Variants in ZBTB17 observed in about 807,000 individuals in gnomAD.
ZBTB17 encodes the protein zinc finger and BTB domain-containing protein 17.
ZBTB17 carries 24 observed loss-of-function variants against 85.1 expected under a neutral mutation model. That is an observed-to-expected ratio of 0.28 (90% confidence interval 0.20 to 0.40). ZBTB17 has a LOEUF of 0.40. ZBTB17 is among the 10% of genes least tolerant of loss of function. The probability of loss-of-function intolerance (pLI) is 1.00; values close to 1 mark genes in which losing one functional copy is unlikely to be tolerated. For missense variants in ZBTB17, 743 were observed against 1,105.1 expected, an observed-to-expected ratio of 0.67 and a Z score of 4.65; for synonymous variants, 464 against 460.2, an observed-to-expected ratio of 1.01 and a Z score of -0.11.
rs1045497608 is a variant in ZBTB17, at chr1:15,951,250, A to AG, written c.-2-2754dup. ...GAAGAAAACAGGAGAAATGATAAGAAGGGGGGAGGAAGAAGTGAAGATGGG... is the reference window on the plus strand; with the variant it reads ...GAAGAAAACAGGAGAAATGATAAGAAGGGGGGGAGGAAGAAGTGAAGATGGG... On this transcript the variant is annotated intron_variant, in intron 2 of 15. Coordinates refer to ENST00000375743, the MANE Select transcript of ZBTB17 (RefSeq NM_003443.3). This position sits in a 1 kb window ranked among gnomAD's most constrained non-coding sequence, Gnocchi z 4.1. 1.4e-4 allele frequency among the ~76,000 whole-genome samples: 20 copies of AG among 147,438 alleles called. No homozygotes were observed. Among genetic ancestry groups the AG allele is most frequent in the African/African-American group, 4.9e-4 (20 of 40,486 alleles).
chr1:15,943,149 G>A lies in ZBTB17; in HGVS notation c.1743C>T (p.Asp581=). The change falls in exon 13 of 16, where the codon GAC becomes GAT. Residue 581 remains aspartate, a synonymous_variant. Transcript: ENST00000375743. ...SQLANHIRHH[D]NIRPHKCSVC... ...CGCTGCACTTGTGTGGGCGGATGTT[G>A]TCGTGGTGGCGAATATGATTGGCCA... 6.2e-7 allele frequency: 1 copy of A among 1,614,196 alleles called. No homozygotes were observed. The highest frequency in any genetic ancestry group is 8.5e-7 in the Non-Finnish European group (1 of 1,180,024).
Position 15,952,185 on chromosome 1 carries a change from C to G in ZBTB17, c.-2-3688G>C, listed in dbSNP as rs982946985. Among the ~76,000 whole-genome samples, 8 of 152,174 alleles carry G rather than the reference C, an allele frequency of 5.3e-5. No individual in the cohort carries two copies. Among genetic ancestry groups the G allele is most frequent in the Non-Finnish European group, 8.8e-5 (6 of 68,040 alleles). Reference sequence around the variant, plus strand: ...GTCCTCATTTTAGATGCAGACTGACCTGACCCCCACTCACAAAGTCTTAGC... The same window carrying G: ...GTCCTCATTTTAGATGCAGACTGACGTGACCCCCACTCACAAAGTCTTAGC... On this transcript the variant is annotated intron_variant, in intron 2 of 15. Coordinates refer to ENST00000375743, the MANE Select transcript of ZBTB17 (RefSeq NM_003443.3). The surrounding 1 kb of genome is among the most constrained non-coding windows in gnomAD (Gnocchi z 4.3).
rs1421235756 is a variant in ZBTB17, at chr1:15,942,688, C to T, written c.1879G>A (p.Asp627Asn). The T allele has an allele frequency of 6.2e-7, 1 of 1,613,696 alleles. No homozygotes were observed. The highest frequency in any genetic ancestry group is 1.1e-5 in the South Asian group (1 of 91,084). ...DKCGRGFNRV[D>N]NLRSHVKTVH... ...GTCTTCACGTGGGAGCGCAGGTTGT[C>T]TACCCGGTTGAAGCCACGCCCACAC... Residue 627 changes from aspartate to asparagine, a missense_variant, in exon 14 of 16, where the codon GAC (aspartate) becomes AAC (asparagine). This residue lies in a region of ZBTB17 where 321 missense variants were observed against 615.7 expected (regional missense o/e 0.52). Coordinates refer to ENST00000375743, the MANE Select transcript of ZBTB17 (RefSeq NM_003443.3).
chr1:15,971,327 GTGTA>G (rs2072643110), intron 2 of ZBTB17, among the ~76,000 whole-genome samples: 1 of 145,978 alleles, frequency 6.9e-6, no homozygotes, highest in African/African-American at 2.6e-5. Context: ...CTCTGTATGT[GTGTA>G]TGTATATATA....
chr1:15,970,676 G>GT, intron 2 of ZBTB17, among the ~76,000 whole-genome samples: 1 of 152,298 alleles, frequency 6.6e-6, no homozygotes, highest in South Asian at 2.1e-4. Context: ...AGACTCCTGA[G>GT]TAGCTGGGAT....
chr1:15,965,677 C>G (rs1234205618), intron 2 of ZBTB17, among the ~76,000 whole-genome samples: 2 of 152,124 alleles, frequency 1.3e-5, no homozygotes, highest in East Asian at 3.8e-4. Flanking sequence ...AAATGTCCAC[C>G]AGTAATAGAA....
chr1:15,947,272 G>A (rs2071647957), intron 3 of ZBTB17, 149 bp from the exon 4 acceptor site: 2 of 784,952 alleles, frequency 2.5e-6, no homozygotes, highest in Non-Finnish European at 4.0e-6. Context: ...TGGAGAGGAG[G>A]CAGGTAACCT....
At chr1:15,942,878 G>T in intron 13 of ZBTB17, 140 bp from the exon 14 acceptor site, 1 of 1,320,402 alleles carries the variant, frequency 7.6e-7, no homozygotes, top group Non-Finnish European at 1.0e-6. Context: ...GGTGCCTCTG[G>T]TGACACTGGC....
Position 15,976,089 on chromosome 1 carries a change from C to T in ZBTB17, c.-196G>A. On this transcript the variant is annotated 5_prime_UTR_variant, in exon 1 of 16. Transcript: ENST00000375743. ...AGGGCGCCGCCATGTTAGAGTCGGG[C>T]GGAACCGACCTCGCAGGCTTCCCGG... The T allele has an allele frequency of 1.5e-6, 1 of 678,260 alleles. No individual in the cohort carries two copies. The highest frequency in any genetic ancestry group is 2.7e-6 in the Non-Finnish European group (1 of 372,424). 42.0% of individuals were successfully genotyped at this position (678,260 alleles called of 1,614,324 possible).
chr1:15,942,405 G>C lies in ZBTB17; in HGVS notation c.2054C>G (p.Ala685Gly). The C allele has an allele frequency of 6.2e-7, 1 of 1,613,486 alleles. No homozygotes were observed. Among genetic ancestry groups the C allele is most frequent in the Non-Finnish European group, 8.5e-7 (1 of 1,179,998 alleles). ...TTCCGTCTCATCGGCTGTCACTGCAGCTCCCACCGGCACCACTGCGGGCAG... is the reference window on the plus strand; with the variant it reads ...TTCCGTCTCATCGGCTGTCACTGCACCTCCCACCGGCACCACTGCGGGCAG... ...VTQLTVVPVG[A>G]AVTADETEVL... The change falls in exon 15 of 16, where the codon GCT becomes GGT. Residue 685 changes from alanine to glycine, a missense_variant. By Grantham distance (60) the Ala-to-Gly change is moderately conservative. Transcript: ENST00000375743.
intron 6 of ZBTB17, 27 bp downstream of exon 6, chr1:15,945,688 G>GGCCT: frequency 6.2e-7 from 1 of 1,605,214 alleles, no homozygotes; most frequent in Non-Finnish European, 8.5e-7. Flanking sequence ...CACCAGGTAG[G>GGCCT]GCCTGGTCCT....
chr1:15,957,145 C>CTCCA (rs1283866595), intron 2 of ZBTB17, among the ~76,000 whole-genome samples: 2 of 149,334 alleles, frequency 1.3e-5, no homozygotes, highest in Admixed American at 1.3e-4. Context: ...TGCCACTGCA[C>CTCCA]TCCAGCCTGG....
rs1029297415 is a variant in ZBTB17, at chr1:15,951,949, C to G, written c.-2-3452G>C. On this transcript the variant is annotated intron_variant, in intron 2 of 15. Coordinates refer to ENST00000375743, the MANE Select transcript of ZBTB17 (RefSeq NM_003443.3). The surrounding 1 kb of genome is among the most constrained non-coding windows in gnomAD (Gnocchi z 4.1). Reference sequence around the variant, plus strand: ...TGCGGGAACACAGGGTGAAGAAATACTGTTCCCACCAGGCAGCCTGCCCCA... The same window carrying G: ...TGCGGGAACACAGGGTGAAGAAATAGTGTTCCCACCAGGCAGCCTGCCCCA... 1.9e-4 allele frequency among the ~76,000 whole-genome samples: 29 copies of G among 152,276 alleles called. 1 individual carries two copies. The highest frequency in any genetic ancestry group is 3.4e-3 in the Middle Eastern group (1 of 294).
chr1:15,944,665 G>T lies in ZBTB17; in HGVS notation c.1070+32C>A, dbSNP rs890322307. On this transcript the variant is annotated intron_variant, in intron 8 of 15. Transcript: ENST00000375743. ...GGCGTGAAAGGCCGGGCCTGGCAGG[G>T]GCCGGGGTAGGAGGCCGGCTTGGGG... 3.1e-6 allele frequency: 5 copies of T among 1,603,066 alleles called. No individual in the cohort carries two copies. In the Admixed American group the frequency reaches 5.0e-5, roughly 16 times the overall value.
At chr1:15,956,382 G>A (rs1204214068) in intron 2 of ZBTB17, among the ~76,000 whole-genome samples, 1 of 152,224 alleles carries the variant, frequency 6.6e-6, no homozygotes, top group African/African-American at 2.4e-5. Flanking sequence ...GGCCTGTTGA[G>A]AGCAGAGATC....
chr1:15,944,023 C>G, intron 9 of ZBTB17, 128 bp from the exon 10 acceptor site: 1 of 1,066,678 alleles, frequency 9.4e-7, no homozygotes, highest in Non-Finnish European at 1.4e-6. Context: ...TCTATCTCTC[C>G]TGGGTCAGGA....
chr1:15,959,131 A>C (rs1198842919), intron 2 of ZBTB17, among the ~76,000 whole-genome samples: 2 of 152,216 alleles, frequency 1.3e-5, no homozygotes, highest in Admixed American at 1.3e-4. Context: ...CCTTCCCACT[A>C]AATACTATTA....
rs147531847 is a variant in ZBTB17 at position 15,974,138 on chromosome 1, T to A, written c.-89-1013A>T. 5.3e-3 allele frequency among the ~76,000 whole-genome samples: 788 copies of A among 149,482 alleles called. 6 individuals carry two copies. Among genetic ancestry groups the A allele is most frequent in the African/African-American group, 0.018 (734 of 40,716 alleles). On this transcript the variant is annotated intron_variant, in intron 1 of 15. Coordinates refer to ENST00000375743, the MANE Select transcript of ZBTB17 (RefSeq NM_003443.3). Reference sequence around the variant, plus strand: ...TTCAGATCAAGGCTGCAGTGAACTATGATTATGCTGCCACTGCACTCCAGC... The same window carrying A: ...TTCAGATCAAGGCTGCAGTGAACTAAGATTATGCTGCCACTGCACTCCAGC...
intron 2 of ZBTB17, among the ~76,000 whole-genome samples, chr1:15,961,301 G>C (rs961120074): frequency 6.6e-6 from 1 of 152,156 alleles, no homozygotes; most frequent in South Asian, 2.1e-4. Context: ...TTCCAACTAT[G>C]AACATTAACT....
Sources: allele counts gnomAD v4.1 joint callset (sites outside exome capture counted in the v4.1 genomes callset), GRCh38; gene constraint gnomAD v4.1.1; regional missense constraint gnomAD v4.1.1; non-coding constraint Gnocchi (gnomAD v3.1); transcripts MANE v1.5; gene names NCBI Gene and HGNC (gene_info 2026-07-23, HGNC 2026-07-21).